AKAP6: variants seen among roughly 807,000 people sequenced by gnomAD.
AKAP6 encodes the protein A-kinase anchoring protein 6.
In AKAP6, 58 loss-of-function variants were observed where a neutral mutation model predicts 188.5. The observed-to-expected ratio is 0.31, with a 90% confidence interval of 0.25 to 0.38. The LOEUF is 0.38. AKAP6 is among the 10% of genes least tolerant of loss of function. AKAP6 has a pLI of 1.00. For missense variants in AKAP6, 2,710 were observed against 2,740.0 expected, an observed-to-expected ratio of 0.99 and a Z score of 0.24; for synonymous variants, 989 against 998.6, an observed-to-expected ratio of 0.99 and a Z score of 0.18.
intron 12 of AKAP6, among the ~76,000 whole-genome samples, chr14:32,819,982 A>T (rs1024183656): frequency 6.6e-6 from 1 of 152,044 alleles, no homozygotes; most frequent in African/African-American, 2.4e-5. Flanking sequence ...ATGTATGGCC[A>T]CCTAATACTG....
chr14:32,562,341 T>C (rs1883990909), intron 4 of AKAP6, among the ~76,000 whole-genome samples: 2 of 152,048 alleles, frequency 1.3e-5, no homozygotes, highest in Admixed American at 1.3e-4. Context: ...TAATTGGAGA[T>C]CTAATACTCT....
intron 1 of AKAP6, among the ~76,000 whole-genome samples, chr14:32,380,263 G>T (rs964861149): frequency 6.6e-6 from 1 of 152,170 alleles, no homozygotes; most frequent in African/African-American, 2.4e-5. Context: ...AGTGTCTTCA[G>T]GCAGTAACTT....
intron 5 of AKAP6, among the ~76,000 whole-genome samples, chr14:32,582,014 T>A (rs1318129397): frequency 6.6e-6 from 1 of 152,176 alleles, no homozygotes; most frequent in Non-Finnish European, 1.5e-5. Flanking sequence ...AATATTGTTA[T>A]GTGTGAATTT....
At chr14:32,455,722 T>C (rs1185037340) in intron 2 of AKAP6, among the ~76,000 whole-genome samples, 4 of 152,238 alleles carry the variant, frequency 2.6e-5, no homozygotes, top group Non-Finnish European at 5.9e-5. Context: ...GGGAACAATA[T>C]GGTAAACCTT....
At chr14:32,694,022 A>G (rs1310223878) in intron 8 of AKAP6, among the ~76,000 whole-genome samples, 1 of 152,082 alleles carries the variant, frequency 6.6e-6, no homozygotes, top group Non-Finnish European at 1.5e-5. Flanking sequence ...ATGGGATACT[A>G]GTTCAGATTT....
At chr14:32,450,486 A>G (rs968448950) in intron 2 of AKAP6, among the ~76,000 whole-genome samples, 1 of 152,210 alleles carries the variant, frequency 6.6e-6, no homozygotes, top group Non-Finnish European at 1.5e-5. Context: ...GGGGCAGGGC[A>G]TATTTTGTTT....
At chr14:32,669,341 T>C (rs896260706) in intron 7 of AKAP6, among the ~76,000 whole-genome samples, 2 of 152,200 alleles carry the variant, frequency 1.3e-5, no homozygotes, top group African/African-American at 4.8e-5. Flanking sequence ...GAGATTCTCA[T>C]TCATTGTAAT....
At chr14:32,487,887 A>G (rs2138931019) in intron 2 of AKAP6, among the ~76,000 whole-genome samples, 1 of 152,250 alleles carries the variant, frequency 6.6e-6, no homozygotes, top group South Asian at 2.1e-4. Flanking sequence ...AACAGCAAAG[A>G]TTGCTGCCTG....
chr14:32,794,691 C>G (rs904325186), intron 12 of AKAP6, among the ~76,000 whole-genome samples: 10 of 152,096 alleles, frequency 6.6e-5, no homozygotes, highest in African/African-American at 2.4e-4. Context: ...TATCAAAAAG[C>G]TAGAAAGATC....
chr14:32,706,749 G>A (rs1890827473), intron 9 of AKAP6, among the ~76,000 whole-genome samples: 1 of 152,038 alleles, frequency 6.6e-6, no homozygotes, highest in Non-Finnish European at 1.5e-5. Context: ...GGTAAGCAAA[G>A]AAGGAAGGAG....
intron 2 of AKAP6, among the ~76,000 whole-genome samples, chr14:32,507,592 G>A (rs993204482): frequency 7.3e-5 from 11 of 150,962 alleles, no homozygotes; most frequent in Non-Finnish European, 1.6e-4. Context: ...TACACACGCA[G>A]CAAGGTATTT....
chr14:32,633,218 G>A lies in AKAP6; in HGVS notation c.2730+32426G>A, dbSNP rs549787773. Among the ~76,000 whole-genome samples the A allele has an allele frequency of 3.3e-5, 5 of 152,192 alleles. No individual in the cohort carries two copies. In the South Asian group the frequency reaches 1.0e-3, roughly 32 times the overall value. ...AAGCACAAAATGATAAAATCATACA[G>A]CATAAGGCTTTTACATCAGAAAATA... On this transcript the variant is annotated intron_variant, in intron 7 of 13. Coordinates refer to ENST00000280979, the MANE Select transcript of AKAP6 (RefSeq NM_004274.5).
intron 9 of AKAP6, among the ~76,000 whole-genome samples, chr14:32,701,151 CTGCTA>C (rs1890605929): frequency 6.6e-6 from 1 of 152,018 alleles, no homozygotes; most frequent in Admixed American, 6.6e-5. Context: ...CATTTTTACC[CTGCTA>C]TGAATTTGGG....
intron 2 of AKAP6, among the ~76,000 whole-genome samples, chr14:32,478,115 A>G (rs1018800813): frequency 6.6e-6 from 1 of 152,202 alleles, no homozygotes; most frequent in Admixed American, 6.5e-5. Flanking sequence ...TGCCAAAAGC[A>G]AACTTGAAGA....
At chr14:32,405,209 C>T (rs957742847) in intron 1 of AKAP6, among the ~76,000 whole-genome samples, 3 of 152,064 alleles carry the variant, frequency 2.0e-5, no homozygotes, top group Non-Finnish European at 2.9e-5. Flanking sequence ...ATACTTTATT[C>T]ATATTCTCCT....
intron 2 of AKAP6, among the ~76,000 whole-genome samples, chr14:32,523,405 A>G (rs1022451059): frequency 6.6e-6 from 1 of 152,146 alleles, no homozygotes; most frequent in African/African-American, 2.4e-5. Context: ...AGCAATTACT[A>G]AAATAGTTGA....
intron 7 of AKAP6, among the ~76,000 whole-genome samples, chr14:32,640,470 T>C (rs1022453940): frequency 1.3e-5 from 2 of 152,224 alleles, no homozygotes; most frequent in Admixed American, 1.3e-4. Flanking sequence ...CTTCTCAACG[T>C]GTCTTTTATT....
chr14:32,583,262 C>T (rs1390140210), intron 5 of AKAP6, among the ~76,000 whole-genome samples: 1 of 152,132 alleles, frequency 6.6e-6, no homozygotes, highest in African/African-American at 2.4e-5. Context: ...CACTCCAGAC[C>T]CTGTTTGCCT....
At chr14:32,416,583 T>A (rs930151943) in intron 1 of AKAP6, among the ~76,000 whole-genome samples, 1 of 152,122 alleles carries the variant, frequency 6.6e-6, no homozygotes. Flanking sequence ...AGATGGAATC[T>A]CTTTTCTGTC....
Sources: allele counts gnomAD v4.1 joint callset (sites outside exome capture counted in the v4.1 genomes callset), GRCh38; gene constraint gnomAD v4.1.1; transcripts MANE v1.5; gene names NCBI Gene and HGNC (gene_info 2026-07-23, HGNC 2026-07-21).